The following PCDHA6 variants were observed in gnomAD, a reference collection of about 807,000 sequenced individuals.
PCDHA6 encodes the protein protocadherin alpha-6.
Under a neutral mutation model 60.3 loss-of-function variants are expected in PCDHA6, and 55 were observed. That is an observed-to-expected ratio of 0.91 (90% CI 0.73 to 1.14). The LOEUF is 1.14. Among genes scored for constraint, PCDHA6 ranks in the 50% most tolerant of loss-of-function variants. PCDHA6 has a pLI of 0.00. For missense variants in PCDHA6, 1,327 were observed against 1,256.5 expected (o/e 1.06, Z -0.85); for synonymous variants, 652 against 557.9 (o/e 1.17, Z -2.38).
intron 1 of PCDHA6, chr5:140,843,829 G>C: frequency 8.5e-7 from 1 of 1,170,244 alleles, no homozygotes; most frequent in Non-Finnish European, 1.2e-6. Context: ...TTTAAACATT[G>C]TTTAGTTTTT....
At chr5:140,943,846 A>C (rs1209903373) in intron 1 of PCDHA6, among the ~76,000 whole-genome samples, 1 of 152,242 alleles carries the variant, frequency 6.6e-6, no homozygotes, top group African/African-American at 2.4e-5. Context: ...GTAAGATGTC[A>C]CAGAAGTCAA....
chr5:140,847,960 C>T (rs1781264454), intron 1 of PCDHA6: 1 of 152,930 alleles, frequency 6.5e-6, no homozygotes. Context: ...ACACTAGAAT[C>T]CTATTTCGAG....
intron 1 of PCDHA6, chr5:140,883,163 A>C: frequency 6.2e-7 from 1 of 1,614,068 alleles, no homozygotes; most frequent in South Asian, 1.1e-5. Context: ...AAATCCGAAC[A>C]ATGGAGAAAT....
chr5:140,925,409 G>T (rs2082484194), intron 1 of PCDHA6, among the ~76,000 whole-genome samples: 1 of 152,078 alleles, frequency 6.6e-6, no homozygotes, highest in Admixed American at 6.5e-5. Flanking sequence ...CCTTCTTAGG[G>T]AAAGGAACTG....
At chr5:141,007,235 T>G (rs2098311065) in intron 3 of PCDHA6, among the ~76,000 whole-genome samples, 1 of 151,964 alleles carries the variant, frequency 6.6e-6, no homozygotes, top group Non-Finnish European at 1.5e-5. Context: ...GAAGGATTGT[T>G]GAGCTGAAGG....
At chr5:140,887,928 A>G (rs1345223604) in intron 1 of PCDHA6, among the ~76,000 whole-genome samples, 1 of 152,138 alleles carries the variant, frequency 6.6e-6, no homozygotes, top group Non-Finnish European at 1.5e-5. Flanking sequence ...TTCAGAGACC[A>G]TATTTATTTC....
chr5:140,970,752 T>A (rs1324041619), intron 1 of PCDHA6, among the ~76,000 whole-genome samples: 1 of 152,244 alleles, frequency 6.6e-6, no homozygotes, highest in Non-Finnish European at 1.5e-5. Context: ...CAATATATTT[T>A]CATTGACATA....
chr5:140,858,392 G>T, intron 1 of PCDHA6: 1 of 1,579,080 alleles, frequency 6.3e-7, no homozygotes, highest in Non-Finnish European at 8.7e-7. Context: ...AATGGTAGAT[G>T]TGGACGGGGA....
chr5:140,831,462 T>C (rs1322617868), intron 1 of PCDHA6, among the ~76,000 whole-genome samples: 1 of 140,760 alleles, frequency 7.1e-6, no homozygotes, highest in South Asian at 2.4e-4. Context: ...TGGGCTCAAG[T>C]GATTCTCTCA....
intron 3 of PCDHA6, among the ~76,000 whole-genome samples, chr5:141,003,397 C>T (rs370088269): frequency 2.0e-5 from 3 of 152,086 alleles, no homozygotes; most frequent in African/African-American, 4.8e-5. Flanking sequence ...CTGAAACCTC[C>T]GCCTCCCGGG....
intron 1 of PCDHA6, among the ~76,000 whole-genome samples, chr5:140,974,533 C>T (rs540810616): frequency 1.5e-4 from 23 of 152,160 alleles, no homozygotes; most frequent in Middle Eastern, 6.8e-3. Flanking sequence ...TTTTTTGAGA[C>T]GGAGTTTTGC....
intron 3 of PCDHA6, among the ~76,000 whole-genome samples, chr5:140,994,795 G>A (rs2097650396): frequency 6.6e-6 from 1 of 152,184 alleles, no homozygotes; most frequent in Admixed American, 6.6e-5. Flanking sequence ...ATGCGTGCAT[G>A]CAAAAACAAA....
intron 1 of PCDHA6, chr5:140,968,079 C>T (rs782150880): frequency 5.0e-6 from 8 of 1,614,142 alleles, no homozygotes; most frequent in Admixed American, 3.3e-5. Flanking sequence ...TACAACATCA[C>T]GGTGACAGCC....
In PCDHA6 at chr5:140,952,512, CATCT is replaced by C. The variant is rs2094757607; in HGVS notation, c.2395-26436_2395-26433del. ...CAGTCCTCAGTAAGTTCCTCATCTC[CATCT>C]GAGACCTCCTCAGACTGGACTTCTT... On this transcript the variant is annotated intron_variant, in intron 1 of 3. Coordinates refer to ENST00000529310, the MANE Select transcript of PCDHA6 (RefSeq NM_018909.4). 2.0e-5 allele frequency among the ~76,000 whole-genome samples: 3 copies of C among 152,242 alleles called. No individual in the cohort carries two copies. The South Asian group carries it at 6.2e-4, about 32-fold the overall frequency.
rs150544958 is a variant in PCDHA6, at chr5:140,940,065, T to C, written c.2395-38884T>C. ...TATTAGATTCTTAACCAAATATAAA[T>C]ATGTGATATCTTTCTGCTAAATTGA... On this transcript the variant is annotated intron_variant, in intron 1 of 3. Coordinates refer to ENST00000529310, the MANE Select transcript of PCDHA6 (RefSeq NM_018909.4). Among the ~76,000 whole-genome samples the C allele has an allele frequency of 2.1e-3, 313 of 152,364 alleles. 1 individual carries two copies. Among genetic ancestry groups the C allele is most frequent in the African/African-American group, 7.1e-3 (295 of 41,596 alleles).
intron 1 of PCDHA6, among the ~76,000 whole-genome samples, chr5:140,888,523 T>C (rs1316582829): frequency 6.6e-6 from 1 of 152,244 alleles, no homozygotes; most frequent in African/African-American, 2.4e-5. Flanking sequence ...AGTTCTGACG[T>C]GAAGTTAAGT....
Position 140,843,333 on chromosome 5 carries a change from A to G in PCDHA6, c.2394+12848A>G, listed in dbSNP as rs2150357637. 2.5e-6 allele frequency: 4 copies of G among 1,596,000 alleles called. No homozygotes were observed. The Admixed American group carries it at 5.1e-5, about 20-fold the overall frequency. ...GCCACGGTTCTGGTGTCGCTGGTGG[A>G]GAGCGGCCAGGCTCCAAAAGCGTCA... On this transcript the variant is annotated intron_variant, in intron 1 of 3. Transcript: ENST00000529310.
rs1307872758 is a variant in PCDHA6, at chr5:140,858,559, T to A, written c.2394+28074T>A. The A allele has an allele frequency of 2.2e-6, 3 of 1,382,404 alleles. No homozygotes were observed. The African/African-American group carries it at 4.3e-5, about 20-fold the overall frequency. The allele number at this position is 1,382,404 out of a possible 1,614,324, so 85.6% of individuals were successfully genotyped here. On this transcript the variant is annotated intron_variant, in intron 1 of 3. Coordinates refer to ENST00000529310, the MANE Select transcript of PCDHA6 (RefSeq NM_018909.4). The stretch of plus-strand genomic sequence containing the variant: ...CTACATTCCATTTATGCTTGAATAT[T>A]TCTAGTGATACCTTTGTAATATAAT...
At chr5:140,883,485 CATT>C in intron 1 of PCDHA6, 1 of 1,614,190 alleles carries the variant, frequency 6.2e-7, no homozygotes. Flanking sequence ...AACTACTACT[CATT>C]AGTGCTGGAC....
Sources: gnomAD v4.1 joint callset for allele counts (sites outside exome capture counted in the v4.1 genomes callset) on GRCh38, gnomAD v4.1.1 for gene constraint, MANE v1.5 for transcripts, NCBI Gene and HGNC (gene_info 2026-07-23, HGNC 2026-07-21) for gene names.